SFXN5: variants seen among roughly 807,000 people sequenced by gnomAD.
SFXN5 encodes sideroflexin-5.
Under a neutral mutation model 50.2 loss-of-function variants are expected in SFXN5, and 43 were observed. The observed-to-expected ratio is 0.86, with a 90% confidence interval of 0.67 to 1.11. The LOEUF (loss-of-function observed/expected upper bound fraction) is 1.11, where lower values mean the gene tolerates loss of function less well. SFXN5 is among the 50% of genes least tolerant of loss of function. The pLI, the probability that SFXN5 is intolerant of heterozygous loss-of-function variation, is 0.00. For missense variants in SFXN5, 463 were observed against 454.1 expected, an observed-to-expected ratio of 1.02 and a Z score of -0.18; for synonymous variants, 203 against 185.8, an observed-to-expected ratio of 1.09 and a Z score of -0.75.
chr2:72,950,648 G>C lies in SFXN5; in HGVS notation c.946-5549C>G, dbSNP rs1369060230. On this transcript the variant is annotated intron_variant, in intron 13 of 13. Transcript: ENST00000272433. This position sits in a 1 kb window ranked among gnomAD's most constrained non-coding sequence, Gnocchi z 4.2. ...CTTGAAGACCACCTCTCTGAGGTAA[G>C]TGTGGGGCCAAGTTTTCTCCAAGGG... 6.6e-6 allele frequency among the ~76,000 whole-genome samples: 1 copy of C among 152,244 alleles called. No individual in the cohort carries two copies. The highest frequency in any genetic ancestry group is 1.5e-5 in the Non-Finnish European group (1 of 68,040).
At chr2:72,971,404 G>A (rs1321682678) in intron 11 of SFXN5, among the ~76,000 whole-genome samples, 166 bp downstream of exon 11, 1 of 151,938 alleles carries the variant, frequency 6.6e-6, no homozygotes, top group East Asian at 1.9e-4. Context: ...GGAGGCCAGA[G>A]GCCCAGACTC....
At chr2:72,991,418 G>A (rs1672588688) in intron 9 of SFXN5, among the ~76,000 whole-genome samples, 1 of 152,304 alleles carries the variant, frequency 6.6e-6, no homozygotes, top group African/African-American at 2.4e-5. Flanking sequence ...GACCAGCAAA[G>A]TAGGGAGGAG....
At chr2:73,050,545 A>G (rs1412615990) in intron 2 of SFXN5, among the ~76,000 whole-genome samples, 2 of 152,192 alleles carry the variant, frequency 1.3e-5, no homozygotes, top group Non-Finnish European at 2.9e-5. Flanking sequence ...GCAATGTGCC[A>G]GAATACAGTG....
chr2:73,026,001 C>G lies in SFXN5; in HGVS notation c.250-2787G>C, dbSNP rs539042542. 1.1e-4 allele frequency among the ~76,000 whole-genome samples: 16 copies of G among 152,236 alleles called. 1 individual carries two copies. Among genetic ancestry groups the G allele is most frequent in the African/African-American group, 3.6e-4 (15 of 41,528 alleles). On this transcript the variant is annotated intron_variant, in intron 3 of 13. Transcript: ENST00000272433. ...CACCACAGGCAGGAGGATGGAGACA[C>G]CTTCTCCAGGAAAACAGAAAGGCTC...
At chr2:72,984,395 G>T (rs1559119961) in intron 10 of SFXN5, among the ~76,000 whole-genome samples, 1 of 152,250 alleles carries the variant, frequency 6.6e-6, no homozygotes, top group Non-Finnish European at 1.5e-5. Context: ...GAACTTGGAG[G>T]CAGAACAGGG....
rs144558717 is a variant in SFXN5 at position 72,945,051 on chromosome 2, G to A, written c.994C>T (p.Arg332Trp). Residue 332 changes from arginine (R) to tryptophan (W), a missense_variant, in exon 14 of 14, where the codon CGG becomes TGG. Transcript: ENST00000272433. This position sits in a 1 kb window ranked among gnomAD's most constrained non-coding sequence, Gnocchi z 5.8. Reference sequence around the variant, plus strand: ...AACCCCTTGTTGTACACCACTGTCCGGCTGCTCGTGGCCTGGGCTATCTCC... The same window carrying A: ...AACCCCTTGTTGTACACCACTGTCCAGCTGCTCGTGGCCTGGGCTATCTCC... The part of the protein sequence containing the change: ...EPEIAQATSS[R>W]TVVYNKGL The A allele has an allele frequency of 6.3e-5, 101 of 1,613,872 alleles. No homozygotes were observed. The highest frequency in any genetic ancestry group is 3.2e-4 in the African/African-American group (24 of 74,918).
chr2:72,964,946 C>T (rs1218808703), intron 12 of SFXN5, among the ~76,000 whole-genome samples: 2 of 152,224 alleles, frequency 1.3e-5, no homozygotes, highest in East Asian at 1.9e-4. Flanking sequence ...GGGAAGGGCA[C>T]GGTCTCTGGC....
chr2:73,031,837 A>C (rs1035958958), intron 3 of SFXN5, among the ~76,000 whole-genome samples: 1 of 152,210 alleles, frequency 6.6e-6, no homozygotes, highest in Admixed American at 6.5e-5. Flanking sequence ...CTGCCTGTGC[A>C]AGTTACCTCA....
At chr2:73,051,777 G>A (rs1334283385) in intron 2 of SFXN5, among the ~76,000 whole-genome samples, 1 of 152,176 alleles carries the variant, frequency 6.6e-6, no homozygotes, top group Non-Finnish European at 1.5e-5. Context: ...CCAAGATCAA[G>A]GAACCAGCAT....
intron 13 of SFXN5, among the ~76,000 whole-genome samples, chr2:72,949,003 G>A (rs1462020413): frequency 6.6e-6 from 1 of 152,184 alleles, no homozygotes; most frequent in Non-Finnish European, 1.5e-5. Context: ...TGGCAACTGG[G>A]GAGGGGTTGG....
intron 1 of SFXN5, among the ~76,000 whole-genome samples, 191 bp from the exon 2 acceptor site, chr2:73,058,787 A>G (rs897479670): frequency 2.6e-5 from 4 of 151,976 alleles, no homozygotes; most frequent in Non-Finnish European, 5.9e-5. Context: ...TCCAAAGTCA[A>G]CTCAGAGAGA....
In SFXN5 at chr2:73,058,494, C is replaced by G. The variant is rs897718273; in HGVS notation, c.171+34G>C. The G allele has an allele frequency of 6.2e-6, 10 of 1,602,322 alleles. No homozygotes were observed. The African/African-American group carries it at 1.2e-4, about 19-fold the overall frequency. On this transcript the variant is annotated intron_variant, in intron 2 of 13. Transcript: ENST00000272433. ...ATTCTGAAATGACAAGGTACAAAGGCCCAAGGGCCACTGAGGTGACAGCCA... is the reference window on the plus strand; with the variant it reads ...ATTCTGAAATGACAAGGTACAAAGGGCCAAGGGCCACTGAGGTGACAGCCA...
At chr2:73,033,436 T>C (rs904886447) in intron 3 of SFXN5, among the ~76,000 whole-genome samples, 2 of 152,116 alleles carry the variant, frequency 1.3e-5, no homozygotes, top group Non-Finnish European at 2.9e-5. Flanking sequence ...GACAAGAGGA[T>C]AGCAAGTGTG....
intron 5 of SFXN5, among the ~76,000 whole-genome samples, chr2:73,021,381 G>C (rs913953027): frequency 1.3e-5 from 2 of 152,214 alleles, no homozygotes; most frequent in Non-Finnish European, 2.9e-5. Context: ...CTACTCGGGA[G>C]GCTGAGGCAG....
At chr2:72,970,963 C>A (rs535656089) in intron 11 of SFXN5, among the ~76,000 whole-genome samples, 3 of 152,306 alleles carry the variant, frequency 2.0e-5, no homozygotes, top group Admixed American at 6.5e-5. Context: ...GCTAGAATTA[C>A]AGGCGTGAGC....
At chr2:73,043,406 C>A (rs188284872) in intron 2 of SFXN5, among the ~76,000 whole-genome samples, 3 of 152,232 alleles carry the variant, frequency 2.0e-5, no homozygotes, top group Non-Finnish European at 4.4e-5. Context: ...GCAGGAATAA[C>A]TGCCAACACA....
At chr2:73,030,192 G>A (rs1371982749) in intron 3 of SFXN5, among the ~76,000 whole-genome samples, 1 of 152,052 alleles carries the variant, frequency 6.6e-6, no homozygotes, top group Non-Finnish European at 1.5e-5. Context: ...TGGCTCCAGA[G>A]TCCCTATCCT....
At chr2:72,996,450 G>A (rs934719909) in intron 9 of SFXN5, 1 of 152,378 alleles carries the variant, frequency 6.6e-6, no homozygotes, top group Non-Finnish European at 1.5e-5. Flanking sequence ...CCCTCAGGTG[G>A]GGCAGTGAGG....
rs575766298 is a variant in SFXN5, at chr2:72,992,178, G to C, written c.535-3830C>G. ...GTGAATTTGCCATGAGCAGCTGACA[G>C]GAGACCAGGGGAAAAGGAGGGAAGG... On this transcript the variant is annotated intron_variant, in intron 9 of 13. Transcript: ENST00000272433. This position sits in a 1 kb window ranked among gnomAD's most constrained non-coding sequence, Gnocchi z 4.5. Among the ~76,000 whole-genome samples, 1 of 152,228 alleles carries C rather than the reference G, an allele frequency of 6.6e-6. No homozygotes were observed. The highest frequency in any genetic ancestry group is 2.4e-5 in the African/African-American group (1 of 41,456).
Sources: allele counts gnomAD v4.1 joint callset (sites outside exome capture counted in the v4.1 genomes callset), GRCh38; gene constraint gnomAD v4.1.1; non-coding constraint Gnocchi (gnomAD v3.1); transcripts MANE v1.5; gene names NCBI Gene and HGNC (gene_info 2026-07-23, HGNC 2026-07-21).